Variants in UGT1A10 observed in about 807,000 individuals in gnomAD.
The protein encoded by UGT1A10 is UDP glucuronosyltransferase family 1 member A10, also known as UDP-glucuronosyltransferase 1A10.
In UGT1A10, 49 loss-of-function variants were observed where a neutral mutation model predicts 45.8. That is an observed-to-expected ratio of 1.07 (90% confidence interval 0.85 to 1.36). The LOEUF (loss-of-function observed/expected upper bound fraction) is 1.36, where lower values mean the gene tolerates loss of function less well. UGT1A10 is among the 40% of genes most tolerant of loss of function. The pLI, the probability that UGT1A10 is intolerant of heterozygous loss-of-function variation, is 0.00. For missense variants in UGT1A10, 745 were observed against 668.6 expected (o/e 1.11, Z -1.26); for synonymous variants, 284 against 249.7 (o/e 1.14, Z -1.29).
chr2:233,720,572 T>C (rs2076872220), intron 1 of UGT1A10, among the ~76,000 whole-genome samples: 1 of 152,112 alleles, frequency 6.6e-6, no homozygotes, highest in Non-Finnish European at 1.5e-5. Context: ...ATCTATTCTT[T>C]TTCCAAAAAT....
At chr2:233,684,065 A>G (rs899835488) in intron 1 of UGT1A10, among the ~76,000 whole-genome samples, 9 of 152,174 alleles carry the variant, frequency 5.9e-5, no homozygotes, top group African/African-American at 2.2e-4. Context: ...GTCTGATCTA[A>G]GTATATTATT....
At chr2:233,700,033 A>C (rs776085773) in intron 1 of UGT1A10, among the ~76,000 whole-genome samples, 1 of 152,196 alleles carries the variant, frequency 6.6e-6, no homozygotes, top group Non-Finnish European at 1.5e-5. Context: ...AGAAACTCTG[A>C]TCTAAATCAA....
At chr2:233,717,850 A>G (rs2076611258) in intron 1 of UGT1A10, 2 of 454,974 alleles carry the variant, frequency 4.4e-6, no homozygotes, top group African/African-American at 4.0e-5. Flanking sequence ...TCTTATCAGA[A>G]CTTGGTGCTG....
At chr2:233,649,641 G>C in intron 1 of UGT1A10, among the ~76,000 whole-genome samples, 1 of 152,144 alleles carries the variant, frequency 6.6e-6, no homozygotes, top group Non-Finnish European at 1.5e-5. Flanking sequence ...TTTAATAATT[G>C]CATAAAAGTC....
At position 233,676,334 on chromosome 2, in the gene UGT1A10, A is replaced by G. The variant is rs2074356296; in HGVS notation, c.855+38957A>G. Among the ~76,000 whole-genome samples, 4 of 152,296 alleles carry G rather than the reference A, an allele frequency of 2.6e-5. No homozygotes were observed. The South Asian group carries it at 8.3e-4, about 32-fold the overall frequency. On this transcript the variant is annotated intron_variant, in intron 1 of 4. Coordinates refer to ENST00000344644, the MANE Select transcript of UGT1A10 (RefSeq NM_019075.4). ...CTGTTGAGTGACTTTTCTTACAAAT[A>G]CTTCATTGTAGAATAAATATAGGAT...
intron 1 of UGT1A10, among the ~76,000 whole-genome samples, chr2:233,637,947 A>T (rs1037370370): frequency 6.6e-6 from 1 of 152,166 alleles, no homozygotes; most frequent in African/African-American, 2.4e-5. Flanking sequence ...GATACAATGT[A>T]GTTTTTTAAC....
chr2:233,726,672 G>T (rs1443566236), intron 1 of UGT1A10, among the ~76,000 whole-genome samples: 1 of 152,112 alleles, frequency 6.6e-6, no homozygotes, highest in Non-Finnish European at 1.5e-5. Context: ...TATCTGTGAA[G>T]TCTCTTCCAC....
chr2:233,682,752 T>C (rs369493706), intron 1 of UGT1A10: 65 of 1,613,820 alleles, frequency 4.0e-5, no homozygotes, highest in Middle Eastern at 3.3e-4. Context: ...ATGATCTTCA[T>C]TGGTGGTATC....
chr2:233,711,162 G>A (rs2076166614), intron 1 of UGT1A10, among the ~76,000 whole-genome samples: 1 of 152,150 alleles, frequency 6.6e-6, no homozygotes, highest in African/African-American at 2.4e-5. Flanking sequence ...CCTATTTCCT[G>A]GGCACCAGGA....
chr2:233,706,043 C>T (rs1342276693), intron 1 of UGT1A10, among the ~76,000 whole-genome samples: 1 of 152,002 alleles, frequency 6.6e-6, no homozygotes, highest in East Asian at 1.9e-4. Flanking sequence ...TGCAGTGAGC[C>T]GAGATCACGC....
At chr2:233,693,863 C>T (rs1263853264) in intron 1 of UGT1A10, 1 of 1,614,066 alleles carries the variant, frequency 6.2e-7, no homozygotes, top group East Asian at 2.2e-5. Flanking sequence ...AGACTTGTCT[C>T]AGGTTGGTGG....
At chr2:233,758,936 A>G (rs3755319) in intron 1 of UGT1A10, among the ~76,000 whole-genome samples, 2 of 152,038 alleles carry the variant, frequency 1.3e-5, no homozygotes, top group Non-Finnish European at 2.9e-5. Context: ...TTGACTTCAA[A>G]TCAGTCATCA....
chr2:233,666,749 T>C (rs1193004519), intron 1 of UGT1A10, among the ~76,000 whole-genome samples: 2 of 152,100 alleles, frequency 1.3e-5, no homozygotes, highest in Admixed American at 1.3e-4. Context: ...GCTGCACCCA[T>C]TAACTCGTCA....
At position 233,769,650 on chromosome 2, in the gene UGT1A10, C is replaced by T. The variant is rs895944755; in HGVS notation, c.1295+1211C>T. The T allele has an allele frequency of 1.9e-6, 3 of 1,606,450 alleles. No homozygotes were observed. The South Asian group carries it at 3.3e-5, about 18-fold the overall frequency. The stretch of plus-strand genomic sequence containing the variant: ...ACAACAGGGGAGGACTGATGACTGA[C>T]TTCCCACCTTTGAGGTGCTAATGTG... On this transcript the variant is annotated intron_variant, in intron 4 of 4. Transcript: ENST00000344644. The surrounding 1 kb of genome is among the most constrained non-coding windows in gnomAD (Gnocchi z 4.4).
chr2:233,724,540 G>A (rs1161691820), intron 1 of UGT1A10, among the ~76,000 whole-genome samples: 2 of 122,844 alleles, frequency 1.6e-5, no homozygotes, highest in African/African-American at 3.3e-5. Context: ...CCGGGCAGAG[G>A]CGCTCCTCAC....
intron 1 of UGT1A10, among the ~76,000 whole-genome samples, chr2:233,705,526 C>T (rs1004849017): frequency 6.6e-6 from 1 of 152,084 alleles, no homozygotes; most frequent in Admixed American, 6.6e-5. Context: ...GGGAGATTAC[C>T]TTCAGCTGTG....
intron 1 of UGT1A10, chr2:233,690,660 A>G (rs1050957409): frequency 2.3e-5 from 30 of 1,280,332 alleles, no homozygotes; most frequent in Non-Finnish European, 2.8e-5. Flanking sequence ...TACAGCACCA[A>G]CCAGGGCAGG....
intron 1 of UGT1A10, among the ~76,000 whole-genome samples, chr2:233,696,227 A>T (rs2075332487): frequency 1.3e-5 from 2 of 152,270 alleles, no homozygotes; most frequent in South Asian, 4.1e-4. Context: ...CACAGTAGCC[A>T]AAATATGGAA....
At chr2:233,669,830 T>A (rs558978971) in intron 1 of UGT1A10, among the ~76,000 whole-genome samples, 36 of 152,190 alleles carry the variant, frequency 2.4e-4, no homozygotes, top group African/African-American at 8.7e-4. Context: ...ATTACAGGCA[T>A]GCACCACCAC....
Sources: allele counts gnomAD v4.1 joint callset (sites outside exome capture counted in the v4.1 genomes callset), GRCh38; gene constraint gnomAD v4.1.1; non-coding constraint Gnocchi (gnomAD v3.1); transcripts MANE v1.5; gene names NCBI Gene and HGNC (gene_info 2026-07-23, HGNC 2026-07-21).